Variants in CSMD3 observed in about 807,000 individuals in gnomAD.
CSMD3 encodes the protein CUB and Sushi multiple domains 3.
In CSMD3, 177 loss-of-function variants were observed where a neutral mutation model predicts 435.2. That is an observed-to-expected ratio of 0.41 (90% CI 0.36 to 0.46). The LOEUF (loss-of-function observed/expected upper bound fraction) is 0.46, where lower values mean the gene tolerates loss of function less well. CSMD3 is among the 20% of genes least tolerant of loss of function. CSMD3 has a pLI of 0.34. For missense variants in CSMD3, 4,265 were observed against 4,504.6 expected (o/e 0.95, Z 1.52); for synonymous variants, 1,656 against 1,520.5 (o/e 1.09, Z -2.07).
At chr8:113,376,752 CG>C in intron 1 of CSMD3, 1 of 1,613,940 alleles carries the variant, frequency 6.2e-7, no homozygotes. Context: ...GGCTGTCTGT[CG>C]GTCAAGCTGT....
chr8:113,283,203 G>A (rs2093624401), intron 2 of CSMD3, among the ~76,000 whole-genome samples: 1 of 151,978 alleles, frequency 6.6e-6, no homozygotes, highest in African/African-American at 2.4e-5. Flanking sequence ...GAACCCAAAA[G>A]CAAATGCAAT....
intron 9 of CSMD3, among the ~76,000 whole-genome samples, chr8:112,938,102 G>T (rs927421461): frequency 6.6e-6 from 1 of 152,124 alleles, no homozygotes; most frequent in African/African-American, 2.4e-5. Context: ...TGCAAGTCAG[G>T]CTGCTGGAAC....
intron 10 of CSMD3, among the ~76,000 whole-genome samples, chr8:112,865,745 C>T (rs1465878672): frequency 6.7e-6 from 1 of 150,370 alleles, no homozygotes; most frequent in African/African-American, 2.5e-5. Context: ...TGTTTATTGT[C>T]TGTTTTCCTC....
In CSMD3 at chr8:113,040,018, T is replaced by C. The variant is rs146511270; in HGVS notation, c.918-20839A>G. On this transcript the variant is annotated intron_variant, in intron 5 of 70. Transcript: ENST00000297405. The stretch of plus-strand genomic sequence containing the variant: ...GAAAAAATAAACATGAAGTAGTAAG[T>C]ACACAGCATGCCAGGTAGTGATAAG... Among the ~76,000 whole-genome samples, 59 of 152,250 alleles carry C rather than the reference T, an allele frequency of 3.9e-4. 1 individual carries two copies. In the East Asian group the frequency reaches 0.01, roughly 26 times the overall value.
chr8:112,649,711 G>A (rs6469432), intron 19 of CSMD3, among the ~76,000 whole-genome samples: 9 of 152,184 alleles, frequency 5.9e-5, no homozygotes, highest in South Asian at 2.1e-4. Flanking sequence ...CAGGGTAGTC[G>A]GAGTAAACTA....
In CSMD3 at chr8:112,912,932, C is replaced by T. The variant is rs571104662; in HGVS notation, c.1633+8695G>A. 2.0e-5 allele frequency among the ~76,000 whole-genome samples: 3 copies of T among 152,060 alleles called. No homozygotes were observed. In the East Asian group the frequency reaches 5.9e-4, roughly 30 times the overall value. On this transcript the variant is annotated intron_variant, in intron 10 of 70. Transcript: ENST00000297405. Reference sequence around the variant, plus strand: ...TAGACATTTCTCAAAAGAAGACATACAAATGGCCAACAGGTATATGGAAAA... The same window carrying T: ...TAGACATTTCTCAAAAGAAGACATATAAATGGCCAACAGGTATATGGAAAA...
chr8:113,255,891 C>T lies in CSMD3; in HGVS notation c.514+22701G>A, dbSNP rs781743939. Among the ~76,000 whole-genome samples, 4 of 151,830 alleles carry T rather than the reference C, an allele frequency of 2.6e-5. No homozygotes were observed. The South Asian group carries it at 6.2e-4, about 24-fold the overall frequency. On this transcript the variant is annotated intron_variant, in intron 3 of 70. Transcript: ENST00000297405. Reference sequence around the variant, plus strand: ...TACATCCCTTGATTTTATACTTTTGCTATTATTTTACAGTGTCAATAACAA... The same window carrying T: ...TACATCCCTTGATTTTATACTTTTGTTATTATTTTACAGTGTCAATAACAA...
chr8:113,222,670 A>G (rs566957152), intron 3 of CSMD3, among the ~76,000 whole-genome samples: 1 of 151,120 alleles, frequency 6.6e-6, no homozygotes, highest in South Asian at 2.1e-4. Context: ...TACTCTGTAT[A>G]TTTGCACTTT....
At chr8:112,695,079 C>T (rs1383346465) in intron 13 of CSMD3, among the ~76,000 whole-genome samples, 3 of 152,066 alleles carry the variant, frequency 2.0e-5, no homozygotes, top group African/African-American at 4.8e-5. Context: ...CCTGGAAAAT[C>T]GGGTCACTTC....
At chr8:113,294,783 C>A (rs1415298869) in intron 2 of CSMD3, among the ~76,000 whole-genome samples, 2 of 152,054 alleles carry the variant, frequency 1.3e-5, no homozygotes, top group African/African-American at 4.8e-5. Context: ...GACTGACATT[C>A]ACCTTAATAA....
At chr8:112,335,791 CCT>C (rs1251146113) in intron 44 of CSMD3, among the ~76,000 whole-genome samples, 3 of 150,380 alleles carry the variant, frequency 2.0e-5, no homozygotes, top group African/African-American at 4.9e-5. Flanking sequence ...GAGGTTTGCC[CCT>C]CTTTTATTTT....
At chr8:112,227,241 A>G (rs532139434) in intron 70 of CSMD3, among the ~76,000 whole-genome samples, 58 of 152,368 alleles carry the variant, frequency 3.8e-4, no homozygotes, top group African/African-American at 1.3e-3. Context: ...ATATAAGAGA[A>G]TGAAGTACTG....
At chr8:112,567,080 A>C (rs962768622) in intron 24 of CSMD3, among the ~76,000 whole-genome samples, 2 of 152,054 alleles carry the variant, frequency 1.3e-5, no homozygotes, top group African/African-American at 2.4e-5. Flanking sequence ...TGAGATGATG[A>C]ACCCCGGTTA....
intron 5 of CSMD3, among the ~76,000 whole-genome samples, chr8:113,078,988 T>G (rs2089452422): frequency 6.6e-6 from 1 of 152,118 alleles, no homozygotes; most frequent in Non-Finnish European, 1.5e-5. Flanking sequence ...CAACACCTGT[T>G]TAAAAAAAAG....
intron 13 of CSMD3, 100 bp from the exon 14 acceptor site, chr8:112,690,150 T>C: frequency 1.1e-6 from 1 of 885,838 alleles, no homozygotes; most frequent in Non-Finnish European, 1.8e-6. Flanking sequence ...GTGGAGATAT[T>C]TCAGAACAAA....
chr8:112,502,672 A>AG (rs139374652), intron 30 of CSMD3, among the ~76,000 whole-genome samples: 1 of 152,072 alleles, frequency 6.6e-6, no homozygotes, highest in South Asian at 2.1e-4. Flanking sequence ...GTAATATTTG[A>AG]TTTTTTAAAG....
At position 112,319,996 on chromosome 8, in the gene CSMD3, A is replaced by G; in HGVS notation, c.7166-15T>C. 1 of 1,577,372 alleles carries G rather than the reference A, an allele frequency of 6.3e-7. No individual in the cohort carries two copies. Among genetic ancestry groups the G allele is most frequent in the East Asian group, 2.2e-5 (1 of 44,664 alleles). On this transcript the variant is annotated splice_polypyrimidine_tract_variant and intron_variant, in intron 45 of 70. Coordinates refer to ENST00000297405, the MANE Select transcript of CSMD3 (RefSeq NM_198123.2). ...TAGTTGATAGGCTACAAAAATAAAC[A>G]AAGTGTTTATTCCTTTTCTGTGCAG... is the stretch of plus-strand genomic sequence containing the variant.
chr8:113,072,942 C>T (rs561702271), intron 5 of CSMD3, among the ~76,000 whole-genome samples: 36 of 151,654 alleles, frequency 2.4e-4, no homozygotes, highest in Non-Finnish European at 3.8e-4. Flanking sequence ...CCTTACTCAA[C>T]AATAACAATG....
chr8:113,035,121 G>A (rs1455832821), intron 5 of CSMD3, among the ~76,000 whole-genome samples: 1 of 151,780 alleles, frequency 6.6e-6, no homozygotes, highest in African/African-American at 2.4e-5. Context: ...ATAATGACAA[G>A]AGCTCAAAGC....
Sources: allele counts gnomAD v4.1 joint callset (sites outside exome capture counted in the v4.1 genomes callset), GRCh38; gene constraint gnomAD v4.1.1; transcripts MANE v1.5; gene names NCBI Gene and HGNC (gene_info 2026-07-23, HGNC 2026-07-21).